RPUSD3: variants seen among roughly 807,000 people sequenced by gnomAD.
RPUSD3 encodes mitochondrial mRNA pseudouridine synthase RPUSD3.
A neutral mutation model predicts 35.1 loss-of-function variants in RPUSD3; 36 were observed. That is an observed-to-expected ratio of 1.02 (90% CI 0.79 to 1.35). The LOEUF is 1.35. Ranked by LOEUF, RPUSD3 falls within the 40% of genes most tolerant of loss-of-function variation. The pLI is 0.00. For missense variants in RPUSD3, 486 were observed against 441.9 expected (o/e 1.10, Z -0.89); for synonymous variants, 202 against 187.8 (o/e 1.08, Z -0.62).
chr3:9,843,642 G>T (rs1336939462), intron 1 of RPUSD3, 41 bp from the exon 2 acceptor site: 1 of 1,606,958 alleles, frequency 6.2e-7, no homozygotes. Flanking sequence ...ATTCCATCCC[G>T]AGGTGCCACC....
chr3:9,840,833 T>G, intron 4 of RPUSD3, 28 bp from the exon 5 acceptor site: 2 of 1,578,158 alleles, frequency 1.3e-6, no homozygotes, highest in Non-Finnish European at 1.7e-6. Flanking sequence ...ATCACACAAG[T>G]TAAAGTCCCT....
chr3:9,843,430 C>G, intron 2 of RPUSD3, 35 bp downstream of exon 2: 1 of 1,612,022 alleles, frequency 6.2e-7, no homozygotes. Flanking sequence ...CAGTCCCCTC[C>G]CGGTCCTTGT....
chr3:9,841,976 CACTT>C lies in RPUSD3; in HGVS notation c.407+3_407+6del. 1 of 1,613,300 alleles carries C rather than the reference CACTT, an allele frequency of 6.2e-7. No individual in the cohort carries two copies. On this transcript the variant is annotated splice_donor_5th_base_variant and intron_variant, in intron 4 of 8. Transcript: ENST00000383820. Reference sequence around the variant, plus strand: ...ACTCCTAGCTTCCTGTCACCCCTACCACTTACTTCCCAGATGCTCGGACAACCTG... The same window carrying C: ...ACTCCTAGCTTCCTGTCACCCCTACCACTTCCCAGATGCTCGGACAACCTG...
chr3:9,843,546 G>A, exon 2 of RPUSD3: 5 of 1,613,864 alleles, frequency 3.1e-6, no homozygotes, highest in Non-Finnish European at 4.2e-6. Context: ...CCCGCGAAGG[G>A]CTGGTCCCCG....
intron 4 of RPUSD3, chr3:9,841,176 A>G (rs765171999): frequency 2.8e-5 from 5 of 180,678 alleles, no homozygotes; most frequent in Non-Finnish European, 4.6e-5. Flanking sequence ...AATTGATGGC[A>G]GTTAGAGGAA....
chr3:9,840,873 AG>A, intron 4 of RPUSD3, 68 bp from the exon 5 acceptor site: 1 of 1,202,174 alleles, frequency 8.3e-7, no homozygotes, highest in Non-Finnish European at 1.2e-6. Flanking sequence ...GGAAACTCTT[AG>A]GAACACTGAC....
chr3:9,842,264 A>C (rs1262749260), intron 2 of RPUSD3, 21 bp from the exon 3 acceptor site: 15 of 1,613,844 alleles, frequency 9.3e-6, no homozygotes, highest in Admixed American at 1.7e-5. Context: ...CATCACACGA[A>C]CATCAGCAAA....
At chr3:9,843,418 G>A in intron 2 of RPUSD3, 47 bp downstream of exon 2, 1 of 1,608,504 alleles carries the variant, frequency 6.2e-7, no homozygotes, top group Non-Finnish European at 8.5e-7. Context: ...TGCACGCCGA[G>A]GCAGTCCCCT....
chr3:9,838,255 G>T, intron 8 of RPUSD3, 48 bp from the exon 9 acceptor site: 6 of 1,592,748 alleles, frequency 3.8e-6, no homozygotes, highest in Non-Finnish European at 5.2e-6. Context: ...TTTCCAAGCA[G>T]CTGAGTACCC....
At position 9,843,610 on chromosome 3, in the gene RPUSD3, G is replaced by C. The variant is rs750595731; in HGVS notation, c.126-9C>G. 6.2e-7 allele frequency: 1 copy of C among 1,613,374 alleles called. No individual in the cohort carries two copies. Among genetic ancestry groups the C allele is most frequent in the African/African-American group, 1.3e-5 (1 of 75,056 alleles). ...GGGGTTGCCTCTGATGCCTGGACAAGGAGGGAGAAGCAATGGGAGTCATTC... is the reference window on the plus strand; with the variant it reads ...GGGGTTGCCTCTGATGCCTGGACAACGAGGGAGAAGCAATGGGAGTCATTC... On this transcript the variant is annotated splice_polypyrimidine_tract_variant and intron_variant, in intron 1 of 8. Transcript: ENST00000383820.
chr3:9,841,865 C>T, intron 4 of RPUSD3, 118 bp downstream of exon 4: 2 of 821,770 alleles, frequency 2.4e-6, no homozygotes, highest in Non-Finnish European at 4.0e-6. Flanking sequence ...GTACTTGTAT[C>T]CACCTCTATG....
rs757174321 is a variant in RPUSD3 at position 9,843,556 on chromosome 3, G to A, written c.171C>T (p.Leu57=). 2.5e-6 allele frequency: 4 copies of A among 1,613,770 alleles called. No individual in the cohort carries two copies. In the South Asian group the frequency reaches 3.3e-5, roughly 13 times the overall value. ...GCAGCCCCGCGAAGGGCTGGTCCCC[G>A]AGGGGCCCCGACCGTTGGCAGGAGC... Residue 57 remains leucine (L), a synonymous_variant, in exon 2 of 9, where the codon CTC becomes CTT. Coordinates refer to ENST00000383820, the Ensembl canonical transcript of RPUSD3.
exon 1 of RPUSD3, chr3:9,843,948 G>T (rs199640465): frequency 3.2e-6 from 5 of 1,581,578 alleles, no homozygotes; most frequent in South Asian, 1.1e-5. Flanking sequence ...AGGCCCCGCC[G>T]CCAGCCACTC....
At chr3:9,843,955 A>G (rs774335476) in exon 1 of RPUSD3, 7 of 1,608,762 alleles carry the variant, frequency 4.4e-6, no homozygotes, top group Admixed American at 1.7e-5. Flanking sequence ...GCCGCCAGCC[A>G]CTCCAGAACC....
chr3:9,842,188 C>T lies in RPUSD3; in HGVS notation c.307+11G>A. ...TCCGCTGCATTCCCTTCCCACATCC[C>T]CGGCCCATACCTGTCACTGGTAGAC... is the stretch of plus-strand genomic sequence containing the variant. On this transcript the variant is annotated intron_variant, in intron 3 of 8. Transcript: ENST00000383820. 1 of 1,614,192 alleles carries T rather than the reference C, an allele frequency of 6.2e-7. No homozygotes were observed. The highest frequency in any genetic ancestry group is 1.6e-4 in the Middle Eastern group (1 of 6,062).
chr3:9,840,283 G>C (rs769117780), exon 7 of RPUSD3: 2 of 1,614,028 alleles, frequency 1.2e-6, no homozygotes, highest in South Asian at 1.1e-5. Flanking sequence ...ATGTCCTTTC[G>C]GGATGGGGCC....
At chr3:9,842,716 C>T in intron 2 of RPUSD3, 1 of 174,024 alleles carries the variant, frequency 5.7e-6, no homozygotes, top group Middle Eastern at 2.8e-3. Context: ...TAGAACAGTG[C>T]CTGGAACATA....
At chr3:9,838,044 A>G (rs770096366) in exon 9 of RPUSD3, 4 of 1,591,910 alleles carry the variant, frequency 2.5e-6, no homozygotes, top group East Asian at 4.5e-5. Flanking sequence ...CAGGCACTGT[A>G]GGGTCCTGGA....
At chr3:9,843,195 A>G (rs947476088) in intron 2 of RPUSD3, 4 of 490,822 alleles carry the variant, frequency 8.1e-6, no homozygotes, top group African/African-American at 3.8e-5. Flanking sequence ...GCCAATAAAC[A>G]ATAATCTAGT....
Sources: gnomAD v4.1 joint callset for allele counts on GRCh38, gnomAD v4.1.1 for gene constraint, MANE v1.5 for transcripts, NCBI Gene and HGNC (gene_info 2026-07-23, HGNC 2026-07-21) for gene names.